Variants in TTC21B observed in about 807,000 individuals in gnomAD.
TTC21B encodes the protein tetratricopeptide repeat protein 21B.
In TTC21B, 127 loss-of-function variants were observed where a neutral mutation model predicts 175.1. That is an observed-to-expected ratio of 0.73 (90% CI 0.63 to 0.84). The LOEUF is 0.84. Ranked by LOEUF, TTC21B falls within the 40% of genes least tolerant of loss-of-function variation. The pLI, the probability that TTC21B is intolerant of heterozygous loss-of-function variation, is 0.00. For synonymous variants in TTC21B, 524 were observed against 524.5 expected (o/e 1.00, Z 0.01); for missense variants, 1,561 against 1,558.3 (o/e 1.00, Z -0.03).
rs1405996355 is a variant in TTC21B at position 165,917,277 on chromosome 2, G to A, written c.1879C>T (p.His627Tyr). 6.2e-7 allele frequency: 1 copy of A among 1,614,100 alleles called. No homozygotes were observed. The highest frequency in any genetic ancestry group is 1.1e-5 in the South Asian group (1 of 91,080). Residue 627 changes from histidine to tyrosine, a missense_variant, in exon 14 of 29, where the codon CAC becomes TAC. His to Tyr is a moderately conservative substitution (Grantham distance 83). Transcript: ENST00000243344. ...LSIFLELIDV[H>Y]RLNGEQHEAT... ...CCTACCTGCTCTCCATTTAAGCGGT[G>A]AACGTCTATCAATTCAAGAAAGATC...
intron 24 of TTC21B, among the ~76,000 whole-genome samples, chr2:165,889,371 C>A (rs112577492): frequency 0.011 from 1,646 of 152,238 alleles, 27 homozygotes; most frequent in African/African-American, 0.038. Flanking sequence ...TAAATGTTAG[C>A]AAGCTTAACA....
rs1265098564 is a variant in TTC21B at position 165,929,729 on chromosome 2, A to C, written c.1106T>G (p.Leu369Trp). Residue 369 changes from leucine (L) to tryptophan (W), a missense_variant, in exon 10 of 29, where the codon TTG becomes TGG. Transcript: ENST00000243344. ...TGCATCCTGTAATTGCCCTTCTATC[A>C]ACTGACATTGGATAAATCCTAAAAT... ...SALVGFIQCQ[L>W]IEGQLQDADQ... 1.9e-6 allele frequency: 3 copies of C among 1,611,890 alleles called. No individual in the cohort carries two copies. Among genetic ancestry groups the C allele is most frequent in the Non-Finnish European group, 2.5e-6 (3 of 1,178,638 alleles).
chr2:165,889,246 T>C (rs1282663230), intron 24 of TTC21B, among the ~76,000 whole-genome samples: 3 of 152,200 alleles, frequency 2.0e-5, no homozygotes, highest in African/African-American at 7.2e-5. Context: ...TGTCACGCTG[T>C]TGACTACCAC....
rs769988078 is a variant in TTC21B at position 165,931,804 on chromosome 2, T to C, written c.848A>G (p.Gln283Arg). Residue 283 changes from glutamine (Q) to arginine (R), a missense_variant, in exon 8 of 29, where the codon CAG (glutamine) becomes CGG (arginine). By Grantham distance (43) the Gln-to-Arg change is conservative. Transcript: ENST00000243344. ...AATGTTATAGAAAAGTTGAGCATTC[T>C]GTGGTTCCATGGCATCCAATGTATT... ...LGNTLDAMEP[Q>R]NAQLFYNITL... The C allele has an allele frequency of 1.9e-6, 3 of 1,613,686 alleles. No homozygotes were observed. The highest frequency in any genetic ancestry group is 2.5e-6 in the Non-Finnish European group (3 of 1,179,660).
intron 27 of TTC21B, among the ~76,000 whole-genome samples, chr2:165,877,531 G>A (rs1443876552): frequency 4.6e-5 from 7 of 152,132 alleles, no homozygotes; most frequent in South Asian, 2.1e-4. Flanking sequence ...TGTAGCCTAG[G>A]AGCAATAGGC....
chr2:165,913,311 C>G (rs1056459368), intron 16 of TTC21B, among the ~76,000 whole-genome samples: 1 of 152,144 alleles, frequency 6.6e-6, no homozygotes, highest in Non-Finnish European at 1.5e-5. Context: ...CAGGCATGAA[C>G]CACCGTGCCT....
At chr2:165,877,569 G>A (rs1262848876) in intron 27 of TTC21B, among the ~76,000 whole-genome samples, 2 of 152,132 alleles carry the variant, frequency 1.3e-5, no homozygotes, top group African/African-American at 4.8e-5. Flanking sequence ...GTGTGTAGTA[G>A]GATCTACCAC....
chr2:165,917,517 TACA>T (rs756846279), intron 13 of TTC21B, 36 bp from the exon 14 acceptor site: 2 of 1,479,822 alleles, frequency 1.4e-6, no homozygotes, highest in Non-Finnish European at 1.9e-6. Flanking sequence ...TTGGAGTGCT[TACA>T]ACATCAACAC....
intron 19 of TTC21B, among the ~76,000 whole-genome samples, chr2:165,904,330 A>G (rs12997660): frequency 0.034 from 5,238 of 152,246 alleles, 122 homozygotes; most frequent in Non-Finnish European, 0.052. Context: ...TATTTTAATG[A>G]TATCATAAAC....
At chr2:165,936,464 C>T (rs565024338) in intron 6 of TTC21B, among the ~76,000 whole-genome samples, 2 of 151,960 alleles carry the variant, frequency 1.3e-5, no homozygotes, top group Non-Finnish European at 2.9e-5. Context: ...ATAAGCTGGA[C>T]TTCATTAAAA....
In TTC21B at chr2:165,932,984, C is replaced by G; in HGVS notation, c.784G>C (p.Asp262His). Reference protein sequence around the residue: ...QALYYVCREGDIEKASTKLEN... With the variant: ...QALYYVCREGHIEKASTKLEN... ...ACAATGCCACTTACCTTCTCTATAT[C>G]CCCCTCTCTACACACATAGTAGAGT... Residue 262 changes from aspartate to histidine, a missense_variant, in exon 7 of 29, where the codon GAT (aspartate) becomes CAT (histidine). Coordinates refer to ENST00000243344, the MANE Select transcript of TTC21B (RefSeq NM_024753.5). The G allele has an allele frequency of 6.2e-7, 1 of 1,612,780 alleles. No homozygotes were observed. The highest frequency in any genetic ancestry group is 8.5e-7 in the Non-Finnish European group (1 of 1,179,294).
chr2:165,940,650 G>A (rs1235650829), intron 6 of TTC21B, among the ~76,000 whole-genome samples: 1 of 152,026 alleles, frequency 6.6e-6, no homozygotes, highest in African/African-American at 2.4e-5. Context: ...CCATAAGATT[G>A]AACCCCTCAA....
At chr2:165,945,744 T>C in intron 3 of TTC21B, 54 bp from the exon 4 acceptor site, 1 of 1,571,552 alleles carries the variant, frequency 6.4e-7, no homozygotes, top group Non-Finnish European at 8.7e-7. Context: ...CAGGTATTTA[T>C]AATAGGTCAG....
At chr2:165,945,921 G>C (rs1033412542) in intron 3 of TTC21B, among the ~76,000 whole-genome samples, 17 of 152,098 alleles carry the variant, frequency 1.1e-4, no homozygotes, top group African/African-American at 4.1e-4. Context: ...ATATATCTAA[G>C]ATATAATTTC....
At chr2:165,949,341 A>G in intron 3 of TTC21B, 53 bp downstream of exon 3, 1 of 1,355,034 alleles carries the variant, frequency 7.4e-7, no homozygotes, top group Middle Eastern at 1.9e-4. Flanking sequence ...GAGAAAAATA[A>G]AAATAAACTG....
At position 165,890,571 on chromosome 2, in the gene TTC21B, T is replaced by C. The variant is rs779419721; in HGVS notation, c.3171A>G (p.Gln1057=). 1.2e-6 allele frequency: 2 copies of C among 1,613,784 alleles called. No individual in the cohort carries two copies. The highest frequency in any genetic ancestry group is 1.1e-5 in the South Asian group (1 of 91,072). ...NKARKDRDWG[Q]NALYNMIEIC... ...TCTCTATCATATTATAAAGGGCATT[T>C]TGGCCCCAGTCACGATCTTTCCGAG... The change falls in exon 24 of 29, where the codon CAA becomes CAG. Residue 1057 remains glutamine, a synonymous_variant. Transcript: ENST00000243344.
In TTC21B at chr2:165,912,435, G is replaced by T. The variant is rs549017630; in HGVS notation, c.2322+79C>A. ...GTTTACAACCATTAAAGATGCAAATGGTGCTCGCTGAAGCTTCTCGAGGAC... is the reference window on the plus strand; with the variant it reads ...GTTTACAACCATTAAAGATGCAAATTGTGCTCGCTGAAGCTTCTCGAGGAC... On this transcript the variant is annotated intron_variant, in intron 17 of 28. Coordinates refer to ENST00000243344, the MANE Select transcript of TTC21B (RefSeq NM_024753.5). 7.2e-4 allele frequency: 789 copies of T among 1,093,656 alleles called. 6 individuals carry two copies. In the South Asian group the frequency reaches 9.6e-3, roughly 13 times the overall value. 67.7% of individuals were successfully genotyped at this position (1,093,656 alleles called of 1,614,324 possible).
In TTC21B at chr2:165,949,409, T is replaced by C; in HGVS notation, c.247A>G (p.Met83Val). The stretch of plus-strand genomic sequence containing the variant: ...AATATCATACCTGGATTAGGACTCA[T>C]TTTATGGGCATATATCAGTGCAAGT... ...SLLALIYAHK[M>V]SPNPDREAIL... Residue 83 changes from methionine to valine, a missense_variant, in exon 3 of 29, where the codon ATG (methionine) becomes GTG (valine). By Grantham distance (21) the Met-to-Val change is conservative. Transcript: ENST00000243344. 2 of 1,611,770 alleles carry C rather than the reference T, an allele frequency of 1.2e-6. No homozygotes were observed. Among genetic ancestry groups the C allele is most frequent in the Non-Finnish European group, 1.7e-6 (2 of 1,177,948 alleles).
rs1260225650 is a variant in TTC21B, at chr2:165,899,810, A to G, written c.2828T>C (p.Leu943Pro). ...DPDSCLRQCA[L>P]LLQSDQDNEA... ...GTTATCCTGGTCACTCTGAAGCAGT[A>G]GAGCACACTGCCGCAGGCAGGAATC... Residue 943 changes from leucine (L) to proline (P), a missense_variant, in exon 21 of 29, where the codon CTA becomes CCA. Coordinates refer to ENST00000243344, the MANE Select transcript of TTC21B (RefSeq NM_024753.5). 2 of 1,613,916 alleles carry G rather than the reference A, an allele frequency of 1.2e-6. No homozygotes were observed. Among genetic ancestry groups the G allele is most frequent in the Non-Finnish European group, 1.7e-6 (2 of 1,179,876 alleles).
Sources: allele counts gnomAD v4.1 joint callset (sites outside exome capture counted in the v4.1 genomes callset), GRCh38; gene constraint gnomAD v4.1.1; transcripts MANE v1.5; gene names NCBI Gene and HGNC (gene_info 2026-07-23, HGNC 2026-07-21).